FARS2: variants seen among roughly 807,000 people sequenced by gnomAD.
FARS2 encodes phenylalanyl-tRNA synthetase 2, mitochondrial.
Under a neutral mutation model 46.4 loss-of-function variants are expected in FARS2, and 40 were observed. That is an observed-to-expected ratio of 0.86 (90% CI 0.67 to 1.12). The LOEUF is 1.12. FARS2 is among the 50% of genes most tolerant of loss of function. FARS2 has a pLI of 0.00. For synonymous variants in FARS2, 234 were observed against 214.9 expected, an observed-to-expected ratio of 1.09 and a Z score of -0.78; for missense variants, 513 against 567.9, an observed-to-expected ratio of 0.90 and a Z score of 0.98.
At chr6:5,622,090 C>A (rs899933578) in intron 6 of FARS2, among the ~76,000 whole-genome samples, 1 of 152,256 alleles carries the variant, frequency 6.6e-6, no homozygotes, top group Non-Finnish European at 1.5e-5. Context: ...ATCAGGCTGC[C>A]TCCTGGGGTG....
intron 1 of FARS2, among the ~76,000 whole-genome samples, chr6:5,269,461 A>T (rs980791950): frequency 1.5e-3 from 25 of 16,580 alleles, no homozygotes; most frequent in Non-Finnish European, 3.2e-3. Flanking sequence ...AAGTATAATA[A>T]AAAAAAAAAT....
intron 1 of FARS2, among the ~76,000 whole-genome samples, chr6:5,344,703 T>C (rs925924356): frequency 3.3e-5 from 5 of 152,174 alleles, no homozygotes; most frequent in Non-Finnish European, 5.9e-5. Flanking sequence ...AGTATGGCAA[T>C]TGGAGTTAGA....
At chr6:5,256,490 G>GAAAAAAAAAAAA (rs777995486), upstream of FARS2, among the ~76,000 whole-genome samples, 136 of 37,522 alleles carry the variant, frequency 3.6e-3, 46 homozygotes, top group Middle Eastern at 0.019. Context: ...GATTTCAACT[G>GAAAAAAAAAAAA]GAAAAAAAAA....
At chr6:5,253,867 GTCT>G in the FARS2 span, among the ~76,000 whole-genome samples, 1 of 150,902 alleles carries the variant, frequency 6.6e-6, no homozygotes, top group East Asian at 1.9e-4. Context: ...TTGAAGTGTT[GTCT>G]TCTCTTATTC....
intron 6 of FARS2, among the ~76,000 whole-genome samples, chr6:5,656,589 C>T (rs1188765935): frequency 9.5e-5 from 7 of 73,842 alleles, no homozygotes; most frequent in Admixed American, 2.8e-4. Flanking sequence ...CTCGCTCTGT[C>T]GCCCAAGCTG....
At chr6:5,495,695 A>T (rs1055826373) in intron 4 of FARS2, among the ~76,000 whole-genome samples, 2 of 152,212 alleles carry the variant, frequency 1.3e-5, no homozygotes, top group African/African-American at 4.8e-5. Flanking sequence ...TAAACCAGTA[A>T]TACTGAGGTG....
chr6:5,484,006 G>A (rs1252438608), intron 4 of FARS2, among the ~76,000 whole-genome samples: 1 of 152,172 alleles, frequency 6.6e-6, no homozygotes, highest in East Asian at 1.9e-4. Context: ...AGGAGGCTGA[G>A]GCTAGAGGAT....
At chr6:5,265,174 G>C (rs1370516970) in intron 1 of FARS2, among the ~76,000 whole-genome samples, 1 of 152,196 alleles carries the variant, frequency 6.6e-6, no homozygotes, top group Non-Finnish European at 1.5e-5. Context: ...GAGGAATATT[G>C]AACCAGGAGT....
intron 4 of FARS2, among the ~76,000 whole-genome samples, chr6:5,534,881 T>C (rs370121481): frequency 3.9e-4 from 51 of 129,184 alleles, no homozygotes; most frequent in African/African-American, 1.4e-3. Flanking sequence ...ACACAGAGAC[T>C]GAGAGAGAGA....
At chr6:5,504,560 A>G (rs1201463698) in intron 4 of FARS2, among the ~76,000 whole-genome samples, 2 of 152,194 alleles carry the variant, frequency 1.3e-5, no homozygotes, top group South Asian at 4.2e-4. Context: ...AGAAACATCC[A>G]TTGAAGACGT....
chr6:5,752,431 A>G (rs999133458), intron 6 of FARS2, among the ~76,000 whole-genome samples: 4 of 152,238 alleles, frequency 2.6e-5, no homozygotes, highest in African/African-American at 7.2e-5. Flanking sequence ...ACTTGATCTT[A>G]CACGACAGTG....
rs141807685 is a variant in FARS2 at position 5,637,901 on chromosome 6, A to G, written c.1217+24581A>G. 1.3e-3 allele frequency among the ~76,000 whole-genome samples: 192 copies of G among 152,244 alleles called. 1 individual carries two copies. Among genetic ancestry groups the G allele is most frequent in the African/African-American group, 4.3e-3 (178 of 41,534 alleles). On this transcript the variant is annotated intron_variant, in intron 6 of 6. Transcript: ENST00000274680. ...GACCTCTTATCTCTTTAGATACCCT[A>G]TCTGTCTCTCAATACAGCCACATTT...
chr6:5,386,131 A>G (rs550819698), intron 2 of FARS2, among the ~76,000 whole-genome samples: 2 of 152,312 alleles, frequency 1.3e-5, no homozygotes, highest in African/African-American at 4.8e-5. Context: ...GGAGAGCTCT[A>G]TTCCTGGGGG....
intron 2 of FARS2, among the ~76,000 whole-genome samples, chr6:5,401,398 A>G (rs1206744818): frequency 3.3e-5 from 5 of 152,152 alleles, no homozygotes; most frequent in African/African-American, 1.2e-4. Flanking sequence ...TTCTTTAACT[A>G]TTGCCTATGC....
At chr6:5,309,645 G>C (rs1323058055) in intron 1 of FARS2, among the ~76,000 whole-genome samples, 2 of 152,128 alleles carry the variant, frequency 1.3e-5, no homozygotes, top group Non-Finnish European at 2.9e-5. Flanking sequence ...TCTGAAATAA[G>C]AAATGTGGAA....
intron 6 of FARS2, among the ~76,000 whole-genome samples, chr6:5,686,670 C>G (rs2150848257): frequency 6.6e-6 from 1 of 152,316 alleles, no homozygotes; most frequent in East Asian, 1.9e-4. Flanking sequence ...CATACATGTG[C>G]ATGTGTCTTT....
intron 6 of FARS2, among the ~76,000 whole-genome samples, chr6:5,714,345 G>A (rs972738237): frequency 2.6e-5 from 4 of 152,094 alleles, no homozygotes; most frequent in African/African-American, 7.2e-5. Flanking sequence ...TAATGGCATC[G>A]CCAATGGGAA....
chr6:5,475,117 A>G (rs1199046797), intron 4 of FARS2, among the ~76,000 whole-genome samples: 3 of 152,190 alleles, frequency 2.0e-5, no homozygotes, highest in East Asian at 1.9e-4. Context: ...AAAGGATATG[A>G]TTGTTTGCAG....
At chr6:5,515,853 A>G (rs1345723465) in intron 4 of FARS2, among the ~76,000 whole-genome samples, 1 of 152,214 alleles carries the variant, frequency 6.6e-6, no homozygotes, top group African/African-American at 2.4e-5. Context: ...ACAAAAATAG[A>G]AAAATATTTT....
Sources: gnomAD v4.1 joint callset for allele counts (sites outside exome capture counted in the v4.1 genomes callset) on GRCh38, gnomAD v4.1.1 for gene constraint, MANE v1.5 for transcripts, NCBI Gene and HGNC (gene_info 2026-07-23, HGNC 2026-07-21) for gene names.